The following CNKSR3 variants were observed in gnomAD, a reference collection of about 807,000 sequenced individuals.
CNKSR3 encodes the protein CNKSR family member 3.
CNKSR3 carries 36 observed loss-of-function variants against 67.7 expected under a neutral mutation model. That is an observed-to-expected ratio of 0.53 (90% CI 0.41 to 0.70). The LOEUF (loss-of-function observed/expected upper bound fraction) is 0.70. CNKSR3 is among the 30% of genes least tolerant of loss of function. The pLI, the probability that CNKSR3 is intolerant of heterozygous loss-of-function variation, is 0.00. For synonymous variants in CNKSR3, 281 were observed against 271.4 expected (o/e 1.04, Z -0.35); for missense variants, 630 against 695.2 (o/e 0.91, Z 1.05).
chr6:154,440,507 AT>A (rs1435952140), intron 4 of CNKSR3, among the ~76,000 whole-genome samples: 1 of 152,214 alleles, frequency 6.6e-6, no homozygotes, highest in Non-Finnish European at 1.5e-5. Flanking sequence ...CCAAGAAGAA[AT>A]TTTTTTTTAA....
At chr6:154,490,851 A>AT (rs532338996) in intron 1 of CNKSR3, among the ~76,000 whole-genome samples, 100 of 147,490 alleles carry the variant, frequency 6.8e-4, no homozygotes, top group South Asian at 1.1e-3. Flanking sequence ...TTTTATTTAA[A>AT]TTTTTTTTTT....
chr6:154,413,371 G>A lies in CNKSR3; in HGVS notation c.1070+928C>T, dbSNP rs970781304. On this transcript the variant is annotated intron_variant, in intron 10 of 12. Coordinates refer to ENST00000607772, the MANE Select transcript of CNKSR3 (RefSeq NM_173515.4). The stretch of plus-strand genomic sequence containing the variant: ...CAGCCTCCTGAGTAGCTAGGACCAC[G>A]GGTGCACACAACCACACCCAGCTAA... Among the ~76,000 whole-genome samples the A allele has an allele frequency of 9.2e-5, 14 of 151,820 alleles. No individual in the cohort carries two copies. In the South Asian group the frequency reaches 1.7e-3, roughly 18 times the overall value.
chr6:154,500,274 C>T (rs1300338562), intron 1 of CNKSR3, among the ~76,000 whole-genome samples: 2 of 151,998 alleles, frequency 1.3e-5, no homozygotes, highest in African/African-American at 4.8e-5. Context: ...CACACACACA[C>T]ACACACACAC....
At chr6:154,428,100 A>G (rs1785290870) in intron 7 of CNKSR3, 28 bp downstream of exon 7, 1 of 1,468,218 alleles carries the variant, frequency 6.8e-7, no homozygotes, top group Non-Finnish European at 9.5e-7. Flanking sequence ...CACACAACAG[A>G]TTTTACACTT....
At chr6:154,493,527 A>T (rs1241403049) in intron 1 of CNKSR3, among the ~76,000 whole-genome samples, 1 of 152,206 alleles carries the variant, frequency 6.6e-6, no homozygotes, top group African/African-American at 2.4e-5. Context: ...GGAAGTGCCA[A>T]TTAACTGGGC....
chr6:154,437,236 C>A (rs1004744217), intron 4 of CNKSR3, among the ~76,000 whole-genome samples: 1 of 152,100 alleles, frequency 6.6e-6, no homozygotes, highest in Non-Finnish European at 1.5e-5. Flanking sequence ...GATCTTCTGT[C>A]AAGCAGCTGC....
At chr6:154,449,790 A>C (rs551300629) in intron 2 of CNKSR3, among the ~76,000 whole-genome samples, 2 of 152,324 alleles carry the variant, frequency 1.3e-5, no homozygotes, top group South Asian at 4.1e-4. Flanking sequence ...ACAACCACTC[A>C]ATTCTGTCAC....
chr6:154,481,866 G>T (rs1582895005), intron 1 of CNKSR3, among the ~76,000 whole-genome samples: 1 of 152,264 alleles, frequency 6.6e-6, no homozygotes, highest in East Asian at 1.9e-4. Context: ...GTACTTCAGG[G>T]AGTAACCAAA....
chr6:154,422,023 C>G (rs1785155393), intron 9 of CNKSR3, among the ~76,000 whole-genome samples: 1 of 142,054 alleles, frequency 7.0e-6, no homozygotes, highest in Non-Finnish European at 1.5e-5. Flanking sequence ...AATAGAGTCT[C>G]ACTCTGTCGT....
intron 4 of CNKSR3, among the ~76,000 whole-genome samples, chr6:154,439,840 A>G (rs191501380): frequency 6.6e-6 from 1 of 152,324 alleles, no homozygotes; most frequent in Admixed American, 6.5e-5. Context: ...GCAGTGAGCC[A>G]CGATTACACC....
At chr6:154,412,024 T>G (rs894340828) in intron 10 of CNKSR3, among the ~76,000 whole-genome samples, 13 of 152,246 alleles carry the variant, frequency 8.5e-5, no homozygotes, top group Admixed American at 2.6e-4. Flanking sequence ...GTAGGATTAA[T>G]TTGAGTCCAA....
At chr6:154,509,417 G>GA (rs1306052751) in intron 1 of CNKSR3, among the ~76,000 whole-genome samples, 1 of 151,824 alleles carries the variant, frequency 6.6e-6, no homozygotes, top group African/African-American at 2.4e-5. Flanking sequence ...CATGTGGCCT[G>GA]AAAATGCAGC....
At chr6:154,423,231 T>A (rs72993399) in intron 7 of CNKSR3, among the ~76,000 whole-genome samples, 3,985 of 152,300 alleles carry the variant, frequency 0.026, 85 homozygotes, top group Non-Finnish European at 0.043. Context: ...CAGGTTCAGC[T>A]AATCTATCGG....
At chr6:154,485,512 A>G (rs1786649372) in intron 1 of CNKSR3, among the ~76,000 whole-genome samples, 1 of 152,200 alleles carries the variant, frequency 6.6e-6, no homozygotes, top group Non-Finnish European at 1.5e-5. Flanking sequence ...TAAAAGGCAA[A>G]TCAGGTCAAC....
At chr6:154,415,959 G>A (rs1236673672) in intron 9 of CNKSR3, among the ~76,000 whole-genome samples, 1 of 152,146 alleles carries the variant, frequency 6.6e-6, no homozygotes, top group Admixed American at 6.5e-5. Flanking sequence ...CAGTGAGACT[G>A]TGCCAAGCCC....
In CNKSR3 at chr6:154,510,189, C is replaced by G; in HGVS notation, c.-75G>C. On this transcript the variant is annotated 5_prime_UTR_variant, in exon 1 of 13. Transcript: ENST00000607772. ...TGCTGCCTGCGCTCCGGTGCCCCTTCCCGGGAGGGCGCGCCCGCGGCTGCT... is the reference window on the plus strand; with the variant it reads ...TGCTGCCTGCGCTCCGGTGCCCCTTGCCGGGAGGGCGCGCCCGCGGCTGCT... 6.4e-7 allele frequency: 1 copy of G among 1,574,278 alleles called. No individual in the cohort carries two copies. Among genetic ancestry groups the G allele is most frequent in the East Asian group, 2.2e-5 (1 of 44,602 alleles).
Position 154,397,412 on chromosome 6 carries a change from T to G in CNKSR3, c.*8942A>C, listed in dbSNP as rs563506922. 5.9e-5 allele frequency: 9 copies of G among 152,338 alleles called. No homozygotes were observed. The highest frequency in any genetic ancestry group is 3.4e-3 in the Middle Eastern group (1 of 294). 9.4% of individuals were successfully genotyped at this position (152,338 alleles called of 1,614,324 possible). ...TTTCTTCTCTAAAAGTAGGTTTCTG[T>G]TTTTTGGAGGGGATTTAATTGCTCA... On this transcript the variant is annotated 3_prime_UTR_variant, in exon 13 of 13. Coordinates refer to ENST00000607772, the MANE Select transcript of CNKSR3 (RefSeq NM_173515.4).
rs1052758951 is a variant in CNKSR3 at position 154,451,225 on chromosome 6, T to C, written c.53-967A>G. ...TAATGACTAAAACGAGTAAGCCAAA[T>C]AGAACTTGAGAATTCTTATTCCTGT... On this transcript the variant is annotated intron_variant, in intron 1 of 12. Transcript: ENST00000607772. Among the ~76,000 whole-genome samples the C allele has an allele frequency of 5.9e-5, 9 of 152,344 alleles. 1 individual carries two copies. Among genetic ancestry groups the C allele is most frequent in the Admixed American group, 2.0e-4 (3 of 15,310 alleles).
chr6:154,467,401 C>T (rs749430410), intron 1 of CNKSR3, among the ~76,000 whole-genome samples: 1 of 152,170 alleles, frequency 6.6e-6, no homozygotes, highest in Non-Finnish European at 1.5e-5. Context: ...TACTATGTAA[C>T]ACTCCCTCAT....
Sources: gnomAD v4.1 joint callset for allele counts (sites outside exome capture counted in the v4.1 genomes callset) on GRCh38, gnomAD v4.1.1 for gene constraint, MANE v1.5 for transcripts, NCBI Gene and HGNC (gene_info 2026-07-23, HGNC 2026-07-21) for gene names.